Variants in ZNF585B observed in about 807,000 individuals in gnomAD.
The protein encoded by ZNF585B is zinc finger protein 585B.
Under a neutral mutation model 14.0 loss-of-function variants are expected in ZNF585B, and 7 were observed. That is an observed-to-expected ratio of 0.50 (90% CI 0.28 to 0.94). ZNF585B has a LOEUF of 0.94. Ranked by LOEUF, ZNF585B falls within the 40% of genes least tolerant of loss-of-function variation. The pLI, the probability that ZNF585B is intolerant of heterozygous loss-of-function variation, is 0.09. For synonymous variants in ZNF585B, 290 were observed against 317.3 expected (o/e 0.91, Z 0.91); for missense variants, 750 against 924.4 (o/e 0.81, Z 2.45).
intron 2 of ZNF585B, chr19:37,196,143 T>C (rs992441594): frequency 2.0e-5 from 3 of 152,282 alleles, no homozygotes; most frequent in African/African-American, 7.2e-5. Context: ...TACTCTGACA[T>C]CAAAACCAAA....
rs368951761 is a variant in ZNF585B, at chr19:37,186,105, G to A, written c.1432C>T (p.Arg478Trp). 7.4e-5 allele frequency: 120 copies of A among 1,613,634 alleles called. No individual in the cohort carries two copies. Among genetic ancestry groups the A allele is most frequent in the African/African-American group, 1.2e-4 (9 of 74,842 alleles). Reference protein sequence around the residue: ...CNKCGKAFTNRSNLITHQKTH... With the variant: ...CNKCGKAFTNWSNLITHQKTH... ...TTCTGATGTGTAATGAGATTTGACC[G>A]GTTGGTGAATGCCTTCCCACATTTA... Residue 478 changes from arginine (R) to tryptophan (W), a missense_variant, in exon 5 of 5, where the codon CGG becomes TGG. Arg to Trp is a moderately radical substitution (Grantham distance 101, BLOSUM62 -3). Coordinates refer to ENST00000532828, the MANE Select transcript of ZNF585B (RefSeq NM_152279.4).
In ZNF585B at chr19:37,186,242, T is replaced by C; in HGVS notation, c.1295A>G (p.His432Arg). 2 of 1,614,202 alleles carry C rather than the reference T, an allele frequency of 1.2e-6. No individual in the cohort carries two copies. Among genetic ancestry groups the C allele is most frequent in the South Asian group, 1.1e-5 (1 of 91,084 alleles). ...KAHLITHQII[H>R]TGEKPYKCGH... is the part of the protein sequence containing the mutation. ...ACATTTATAAGGTTTCTCTCCAGTA[T>C]GAATTATTTGATGTGTAATCAAGTG... The change falls in exon 5 of 5, where the codon CAT (histidine) becomes CGT (arginine). Residue 432 changes from histidine to arginine, a missense_variant. His to Arg is a conservative substitution (Grantham distance 29). Transcript: ENST00000532828.
intron 2 of ZNF585B, among the ~76,000 whole-genome samples, chr19:37,191,097 AC>A: frequency 6.6e-6 from 1 of 152,162 alleles, no homozygotes; most frequent in Non-Finnish European, 1.5e-5. Flanking sequence ...CTTAAGCACC[AC>A]AAAATGCAAA....
rs906693036 is a variant in ZNF585B at position 37,184,836 on chromosome 19, A to G, written c.*391T>C. On this transcript the variant is annotated 3_prime_UTR_variant, in exon 5 of 5. Coordinates refer to ENST00000532828, the MANE Select transcript of ZNF585B (RefSeq NM_152279.4). The stretch of plus-strand genomic sequence containing the variant: ...ACAGAAGGATTCATCACTATCATAT[A>G]TATTATGTTGTCTTACCATTCAAAC... 7 of 420,194 alleles carry G rather than the reference A, an allele frequency of 1.7e-5. No individual in the cohort carries two copies. The highest frequency in any genetic ancestry group is 2.9e-5 in the Non-Finnish European group (7 of 237,682). 26.0% of individuals were successfully genotyped at this position (420,194 alleles called of 1,614,324 possible). A position where few individuals can be genotyped will look rare whatever the true frequency, so the allele number is the denominator to read the frequency against.
chr19:37,202,022 C>CT, intron 2 of ZNF585B, among the ~76,000 whole-genome samples: 2 of 151,996 alleles, frequency 1.3e-5, no homozygotes, highest in African/African-American at 4.8e-5. Context: ...TTCATCTACT[C>CT]TTTTTTTTCT....
intron 2 of ZNF585B, among the ~76,000 whole-genome samples, chr19:37,199,660 A>C (rs943784879): frequency 6.6e-6 from 1 of 152,224 alleles, no homozygotes; most frequent in East Asian, 1.9e-4. Context: ...AAAGGAATAC[A>C]CTACAAATAA....
Position 37,183,749 on chromosome 19 carries a change from T to C in ZNF585B, c.*1478A>G, listed in dbSNP as rs1174104378. 1 of 152,226 alleles carries C rather than the reference T, an allele frequency of 6.6e-6. No homozygotes were observed. Among genetic ancestry groups the C allele is most frequent in the Non-Finnish European group, 1.5e-5 (1 of 68,032 alleles). The allele number at this position is 152,226 out of a possible 1,614,324, so 9.4% of individuals were successfully genotyped here. ...CCTTGTGGGGTGCGTGGGACGAAGATGGACACAAGTAGACAGTGAACATAT... is the reference window on the plus strand; with the variant it reads ...CCTTGTGGGGTGCGTGGGACGAAGACGGACACAAGTAGACAGTGAACATAT... On this transcript the variant is annotated 3_prime_UTR_variant, in exon 5 of 5. Coordinates refer to ENST00000532828, the MANE Select transcript of ZNF585B (RefSeq NM_152279.4).
At chr19:37,203,705 C>T (rs945222733) in intron 2 of ZNF585B, among the ~76,000 whole-genome samples, 12 of 152,142 alleles carry the variant, frequency 7.9e-5, no homozygotes, top group South Asian at 2.1e-4. Flanking sequence ...CTCGGCTCAC[C>T]GAAACCTCCA....
intron 2 of ZNF585B, among the ~76,000 whole-genome samples, chr19:37,197,424 A>G (rs1972479068): frequency 6.6e-6 from 1 of 152,200 alleles, no homozygotes. Context: ...TATTGTGAAT[A>G]GTGCCGCAAT....
At chr19:37,204,201 T>C (rs1599768851) in intron 2 of ZNF585B, among the ~76,000 whole-genome samples, 1 of 152,368 alleles carries the variant, frequency 6.6e-6, no homozygotes, top group East Asian at 1.9e-4. Context: ...TCCCTTTAGG[T>C]GATTTTCATC....
intron 2 of ZNF585B, among the ~76,000 whole-genome samples, chr19:37,201,880 G>C (rs779631923): frequency 2.6e-4 from 39 of 152,022 alleles, no homozygotes; most frequent in Non-Finnish European, 3.1e-4. Context: ...CATTACTTCT[G>C]ATATACAGTA....
In ZNF585B at chr19:37,182,038, ACT is replaced by A. The variant is rs1972272045; in HGVS notation, c.*3187_*3188del. ...TTTCATCAATTGTAACAAATGTACC[ACT>A]CTGAAGGGGGATGTTGATGATGGGG... On this transcript the variant is annotated 3_prime_UTR_variant, in exon 5 of 5. Transcript: ENST00000532828. The A allele has an allele frequency of 6.6e-6, 1 of 151,620 alleles. No homozygotes were observed. The highest frequency in any genetic ancestry group is 6.6e-5 in the Admixed American group (1 of 15,198). The allele number at this position is 151,620 out of a possible 1,614,324, so 9.4% of individuals were successfully genotyped here.
At chr19:37,202,378 A>T (rs186732898) in intron 2 of ZNF585B, among the ~76,000 whole-genome samples, 1 of 152,318 alleles carries the variant, frequency 6.6e-6, no homozygotes, top group Non-Finnish European at 1.5e-5. Context: ...TTGGGCATTG[A>T]AGTTAACTCT....
rs1972510042 is a variant in ZNF585B, at chr19:37,199,671, T to C, written c.72+7369A>G. On this transcript the variant is annotated intron_variant, in intron 2 of 4. Coordinates refer to ENST00000532828, the MANE Select transcript of ZNF585B (RefSeq NM_152279.4). ...ATTAAAAGGAATACACTACAAATAA[T>C]ATACTACAAATAAATTGACACACAA... 2.6e-5 allele frequency among the ~76,000 whole-genome samples: 4 copies of C among 152,088 alleles called. No individual in the cohort carries two copies. In the South Asian group the frequency reaches 8.3e-4, roughly 31 times the overall value.
rs933247980 is a variant in ZNF585B at position 37,190,152 on chromosome 19, T to C, written c.73-2A>G. 20 of 1,614,072 alleles carry C rather than the reference T, an allele frequency of 1.2e-5. No individual in the cohort carries two copies. Among genetic ancestry groups the C allele is most frequent in the Non-Finnish European group, 1.6e-5 (19 of 1,180,024 alleles). On this transcript the variant is annotated splice_acceptor_variant, in intron 2 of 4. Transcript: ENST00000532828. LOFTEE classifies it high-confidence loss of function. Reference sequence around the variant, plus strand: ...CACATCCCTGAAGGACACTGATCCCTGTAAGGGCACATTCCTGTTCAATGT... The same window carrying C: ...CACATCCCTGAAGGACACTGATCCCCGTAAGGGCACATTCCTGTTCAATGT...
At chr19:37,187,646 T>A (rs1972353925) in intron 4 of ZNF585B, among the ~76,000 whole-genome samples, 1 of 152,134 alleles carries the variant, frequency 6.6e-6, no homozygotes, top group Non-Finnish European at 1.5e-5. Context: ...TTCCAGAGAT[T>A]CCCTGTAATA....
intron 2 of ZNF585B, among the ~76,000 whole-genome samples, chr19:37,197,868 T>C (rs1349890929): frequency 6.6e-6 from 1 of 152,168 alleles, no homozygotes; most frequent in Admixed American, 6.5e-5. Flanking sequence ...AAGGCTATAA[T>C]GTTAACAGGG....
intron 4 of ZNF585B, among the ~76,000 whole-genome samples, chr19:37,188,376 C>T (rs569566638): frequency 1.3e-5 from 2 of 152,256 alleles, no homozygotes; most frequent in African/African-American, 2.4e-5. Flanking sequence ...ATCCCAGCTA[C>T]GTGGGAGGCT....
In ZNF585B at chr19:37,207,211, G is replaced by GAA; in HGVS notation, c.-101_-100insTT. The GAA allele has an allele frequency of 6.4e-7, 1 of 1,566,250 alleles. No homozygotes were observed. Reference sequence around the variant, plus strand: ...GCTCCGAAGAGGTGGGCTGGAGTCTGGAGGAAGGTCTGGCCCAGGGACTCC... The same window carrying GAA: ...GCTCCGAAGAGGTGGGCTGGAGTCTGAAGAGGAAGGTCTGGCCCAGGGACTCC... On this transcript the variant is annotated 5_prime_UTR_variant, in exon 2 of 5. An upstream open reading frame in the 5' UTR loses its in-frame stop. Transcript: ENST00000532828.
Sources: gnomAD v4.1 joint callset for allele counts (sites outside exome capture counted in the v4.1 genomes callset) on GRCh38, gnomAD v4.1.1 for gene constraint, MANE v1.5 for transcripts, NCBI Gene and HGNC (gene_info 2026-07-23, HGNC 2026-07-21) for gene names.